Variants in PLD5 observed in about 807,000 individuals in gnomAD.
PLD5 encodes the protein phospholipase D family member 5.
PLD5 carries 36 observed loss-of-function variants against 61.1 expected under a neutral mutation model. The observed-to-expected ratio is 0.59, with a 90% CI of 0.45 to 0.78. The LOEUF (loss-of-function observed/expected upper bound fraction) is 0.78. PLD5 is among the 30% of genes least tolerant of loss of function. The probability of loss-of-function intolerance (pLI) is 0.00; values close to 1 mark genes in which losing one functional copy is unlikely to be tolerated. For synonymous variants in PLD5, 243 were observed against 242.8 expected, an observed-to-expected ratio of 1.00 and a Z score of -0.01; for missense variants, 515 against 644.4, an observed-to-expected ratio of 0.80 and a Z score of 2.17.
intron 1 of PLD5, among the ~76,000 whole-genome samples, chr1:242,514,490 T>C (rs2809999): frequency 0.41 from 62,667 of 151,944 alleles, 13,523 homozygotes; most frequent in African/African-American, 0.53. Flanking sequence ...TACTGGGTAC[T>C]GGGCTTAAGA....
rs141986229 is a variant in PLD5, at chr1:242,203,322, A to G, written c.735+16666T>C. Among the ~76,000 whole-genome samples, 606 of 152,154 alleles carry G rather than the reference A, an allele frequency of 4.0e-3. 6 individuals carry two copies. The highest frequency in any genetic ancestry group is 0.013 in the African/African-American group (555 of 41,514). On this transcript the variant is annotated intron_variant, in intron 5 of 9. Coordinates refer to ENST00000536534, the MANE Select transcript of PLD5 (RefSeq NM_001372062.1). ...AAACCTTCCTTCCCTTTTTTCCGCC[A>G]TGAAGCTTTCCCATTCCTGTCCCTG...
intron 5 of PLD5, among the ~76,000 whole-genome samples, chr1:242,127,142 A>G (rs548156068): frequency 6.6e-6 from 1 of 152,228 alleles, no homozygotes; most frequent in South Asian, 2.1e-4. Context: ...TAATCAAAAA[A>G]TAAAAAAATA....
rs367974402 is a variant in PLD5, at chr1:242,126,891, A to G, written c.736-2226T>C. On this transcript the variant is annotated intron_variant, in intron 5 of 9. Transcript: ENST00000536534. Reference sequence around the variant, plus strand: ...AACAGACAACTCACAGAGTGGGGGAAAATCTTCACAATCTATACATCTGAC... The same window carrying G: ...AACAGACAACTCACAGAGTGGGGGAGAATCTTCACAATCTATACATCTGAC... Among the ~76,000 whole-genome samples, 6 of 152,366 alleles carry G rather than the reference A, an allele frequency of 3.9e-5. No individual in the cohort carries two copies. The East Asian group carries it at 5.8e-4, about 15-fold the overall frequency.
intron 5 of PLD5, among the ~76,000 whole-genome samples, chr1:242,219,122 T>C (rs926725847): frequency 6.6e-6 from 1 of 152,214 alleles, no homozygotes; most frequent in Non-Finnish European, 1.5e-5. Flanking sequence ...GCCTCAACTT[T>C]GGTAAATTAA....
intron 3 of PLD5, among the ~76,000 whole-genome samples, chr1:242,286,110 AAAAATAAAAT>A (rs770875387): frequency 2.6e-5 from 4 of 152,144 alleles, no homozygotes; most frequent in African/African-American, 9.7e-5. Context: ...CTCTGTCTCC[AAAAATAAAAT>A]AAAATAAAAT....
chr1:242,412,428 AAGT>A (rs1295353593), intron 1 of PLD5, among the ~76,000 whole-genome samples: 2 of 152,236 alleles, frequency 1.3e-5, no homozygotes, highest in Non-Finnish European at 2.9e-5. Flanking sequence ...GTGTAAGAAA[AAGT>A]AGCACAGGGA....
At chr1:242,107,537 A>T in intron 8 of PLD5, 134 bp downstream of exon 8, 2 of 852,422 alleles carry the variant, frequency 2.3e-6, no homozygotes, top group South Asian at 2.6e-5. Flanking sequence ...TGAAAAAATT[A>T]CTTAACGTGC....
chr1:242,390,763 C>G (rs1662879996), intron 1 of PLD5, among the ~76,000 whole-genome samples: 1 of 152,130 alleles, frequency 6.6e-6, no homozygotes, highest in African/African-American at 2.4e-5. Flanking sequence ...ACTTAGCCTG[C>G]AGGAAGACTA....
chr1:242,346,182 A>T (rs1660126242), intron 2 of PLD5, among the ~76,000 whole-genome samples: 1 of 151,190 alleles, frequency 6.6e-6, no homozygotes. Flanking sequence ...AGTCATTAGA[A>T]TTTAGTTACT....
At chr1:242,259,028 G>A (rs1423916642) in intron 4 of PLD5, among the ~76,000 whole-genome samples, 4 of 152,218 alleles carry the variant, frequency 2.6e-5, no homozygotes, top group Non-Finnish European at 5.9e-5. Context: ...GTTGGCACAT[G>A]ACAGATAGTC....
chr1:242,265,537 C>A, intron 3 of PLD5, 89 bp from the exon 4 acceptor site: 1 of 1,116,750 alleles, frequency 9.0e-7, no homozygotes, highest in East Asian at 2.6e-5. Flanking sequence ...TAAAATTAAT[C>A]TATTCGTTCA....
At chr1:242,401,797 A>T (rs1471509367) in intron 1 of PLD5, among the ~76,000 whole-genome samples, 2 of 152,162 alleles carry the variant, frequency 1.3e-5, no homozygotes, top group Non-Finnish European at 1.5e-5. Context: ...ATTGGTTTCA[A>T]TGCTTGCATT....
chr1:242,322,836 T>C (rs1455494532), intron 2 of PLD5, among the ~76,000 whole-genome samples: 1 of 152,226 alleles, frequency 6.6e-6, no homozygotes, highest in Non-Finnish European at 1.5e-5. Context: ...ACTTCTTTTC[T>C]TTATAAACTA....
chr1:242,142,321 CTGTT>C (rs1322763032), intron 5 of PLD5, among the ~76,000 whole-genome samples: 20 of 152,330 alleles, frequency 1.3e-4, no homozygotes, highest in African/African-American at 4.8e-4. Flanking sequence ...GGTGACTTCT[CTGTT>C]TGCCTTTCTA....
intron 4 of PLD5, among the ~76,000 whole-genome samples, chr1:242,253,247 TC>T (rs1672813655): frequency 7.1e-6 from 1 of 140,352 alleles, no homozygotes; most frequent in Non-Finnish European, 1.5e-5. Context: ...TCCTCCCACC[TC>T]AGCCTCCCAA....
chr1:242,259,483 T>C (rs1673265656), intron 4 of PLD5, among the ~76,000 whole-genome samples: 2 of 152,220 alleles, frequency 1.3e-5, no homozygotes, highest in Non-Finnish European at 2.9e-5. Context: ...AGCTTTCAGA[T>C]ACTTCAAAAC....
At chr1:242,095,478 T>A (rs1323366837) in intron 9 of PLD5, among the ~76,000 whole-genome samples, 2 of 152,196 alleles carry the variant, frequency 1.3e-5, no homozygotes, top group Non-Finnish European at 2.9e-5. Flanking sequence ...GTGATCCACC[T>A]GCCTCAGACT....
intron 5 of PLD5, among the ~76,000 whole-genome samples, chr1:242,146,506 G>C (rs375020319): frequency 6.6e-6 from 1 of 151,956 alleles, no homozygotes; most frequent in East Asian, 1.9e-4. Context: ...TAAGAGAGAT[G>C]GCTTCAATTT....
intron 6 of PLD5, among the ~76,000 whole-genome samples, chr1:242,115,483 C>A (rs969709816): frequency 2.0e-5 from 3 of 151,964 alleles, no homozygotes; most frequent in African/African-American, 7.3e-5. Flanking sequence ...CACTTCTTTT[C>A]GGAGGAGCAC....
Sources: allele counts gnomAD v4.1 joint callset (sites outside exome capture counted in the v4.1 genomes callset), GRCh38; gene constraint gnomAD v4.1.1; transcripts MANE v1.5; gene names NCBI Gene and HGNC (gene_info 2026-07-23, HGNC 2026-07-21).